DACH1: variants seen among roughly 807,000 people sequenced by gnomAD.
DACH1 encodes the protein dachshund homolog 1.
A neutral mutation model predicts 54.2 loss-of-function variants in DACH1; 12 were observed. The ratio of observed to expected loss-of-function variants is 0.22; its 90% CI spans 0.14 to 0.36. DACH1 has a LOEUF of 0.36. Among genes scored for constraint, DACH1 ranks in the 10% least tolerant of loss-of-function variants. DACH1 has a pLI of 1.00. For synonymous variants in DACH1, 386 were observed against 366.2 expected (o/e 1.05, Z -0.62); for missense variants, 805 against 929.8 (o/e 0.87, Z 1.75).
chr13:71,446,431 A>C (rs915154087), intron 10 of DACH1, among the ~76,000 whole-genome samples: 4 of 152,224 alleles, frequency 2.6e-5, no homozygotes, highest in Non-Finnish European at 5.9e-5. Context: ...TTTTCTGAGC[A>C]CCTGTGATGT....
intron 3 of DACH1, among the ~76,000 whole-genome samples, chr13:71,597,315 C>A (rs1444239932): frequency 3.3e-5 from 5 of 152,108 alleles, no homozygotes; most frequent in Admixed American, 3.3e-4. Context: ...TTGGCCATTG[C>A]ACAATGTACA....
At chr13:71,644,892 A>G (rs1181292887) in intron 2 of DACH1, among the ~76,000 whole-genome samples, 1 of 152,218 alleles carries the variant, frequency 6.6e-6, no homozygotes, top group Non-Finnish European at 1.5e-5. Context: ...GCAGGTTTAT[A>G]GCAGCAGCTC....
rs141991124 is a variant in DACH1 at position 71,794,303 on chromosome 13, A to G, written c.848+71619T>C. 1.8e-4 allele frequency among the ~76,000 whole-genome samples: 28 copies of G among 152,350 alleles called. No individual in the cohort carries two copies. The East Asian group carries it at 2.7e-3, about 15-fold the overall frequency. On this transcript the variant is annotated intron_variant, in intron 1 of 10. Transcript: ENST00000613252. ...TGTATAGTTATTCACAATTCAACAC[A>G]AAAAGGGCCTTGCCAGGGCAGGACT... is the stretch of plus-strand genomic sequence containing the variant.
chr13:71,730,582 CAT>C (rs1491510294), intron 1 of DACH1, among the ~76,000 whole-genome samples: 2 of 152,068 alleles, frequency 1.3e-5, no homozygotes, highest in Admixed American at 6.5e-5. Context: ...TGAGCATGTA[CAT>C]ATGAGTGTTT....
intron 1 of DACH1, among the ~76,000 whole-genome samples, chr13:71,752,644 A>T (rs192459498): frequency 2.3e-3 from 353 of 152,246 alleles, no homozygotes; most frequent in Admixed American, 4.8e-3. Flanking sequence ...CCCCCAAACA[A>T]AATCTGTCAT....
At chr13:71,802,884 A>T (rs558772942) in intron 1 of DACH1, among the ~76,000 whole-genome samples, 1 of 152,144 alleles carries the variant, frequency 6.6e-6, no homozygotes, top group African/African-American at 2.4e-5. Context: ...AAAAATTTAG[A>T]AACTGTTCAG....
At chr13:71,771,068 T>A (rs1300638527) in intron 1 of DACH1, among the ~76,000 whole-genome samples, 1 of 151,526 alleles carries the variant, frequency 6.6e-6, no homozygotes, top group African/African-American at 2.4e-5. Context: ...TCATTAGGGC[T>A]ACATGGCCTT....
chr13:71,640,988 T>A (rs181665686), intron 2 of DACH1, among the ~76,000 whole-genome samples: 1 of 152,066 alleles, frequency 6.6e-6, no homozygotes, highest in Admixed American at 6.6e-5. Context: ...TCAGTTGTTT[T>A]TTTCTTTTTC....
At chr13:71,676,762 C>G (rs752110359) in intron 2 of DACH1, among the ~76,000 whole-genome samples, 1 of 151,914 alleles carries the variant, frequency 6.6e-6, no homozygotes, top group South Asian at 2.1e-4. Flanking sequence ...AATATTGCCC[C>G]GGTCCAGTAT....
Position 71,578,473 on chromosome 13 carries a change from C to G in DACH1, c.1127-5461G>C, listed in dbSNP as rs141635128. Among the ~76,000 whole-genome samples, 319 of 152,238 alleles carry G rather than the reference C, an allele frequency of 2.1e-3. 2 individuals carry two copies. The highest frequency in any genetic ancestry group is 6.8e-3 in the Middle Eastern group (2 of 294). ...TATCTTTTAGTGGATTAAGTTCACTCTATTAAAAAAATGATATAAAACGTC... is the reference window on the plus strand; with the variant it reads ...TATCTTTTAGTGGATTAAGTTCACTGTATTAAAAAAATGATATAAAACGTC... On this transcript the variant is annotated intron_variant, in intron 3 of 10. Coordinates refer to ENST00000613252, the MANE Select transcript of DACH1 (RefSeq NM_080759.6).
chr13:71,642,066 T>C (rs1877946278), intron 2 of DACH1, among the ~76,000 whole-genome samples: 1 of 152,204 alleles, frequency 6.6e-6, no homozygotes, highest in African/African-American at 2.4e-5. Flanking sequence ...ACAGGAACTT[T>C]TACTTTGTTT....
In DACH1 at chr13:71,439,954, T is replaced by C. The variant is rs564952808; in HGVS notation, c.*701A>G. ...CATGTTACACTTATATATTTTTTTT[T>C]ATTTTTAAGAAAAAAAAACCTTCAG... On this transcript the variant is annotated 3_prime_UTR_variant, in exon 11 of 11. Transcript: ENST00000613252. The C allele has an allele frequency of 6.6e-6, 1 of 152,240 alleles. No homozygotes were observed. The highest frequency in any genetic ancestry group is 1.5e-5 in the Non-Finnish European group (1 of 67,888). 9.4% of individuals were successfully genotyped at this position (152,240 alleles called of 1,614,324 possible). A position where few individuals can be genotyped will look rare whatever the true frequency, so the allele number is the denominator to read the frequency against.
chr13:71,567,747 G>A (rs950243465), intron 4 of DACH1, among the ~76,000 whole-genome samples: 6 of 151,914 alleles, frequency 3.9e-5, no homozygotes, highest in South Asian at 2.1e-4. Flanking sequence ...TGATAAAGTC[G>A]AAATGCAAAT....
intron 1 of DACH1, among the ~76,000 whole-genome samples, chr13:71,818,503 G>T (rs541946949): frequency 1.1e-4 from 17 of 152,258 alleles, no homozygotes; most frequent in African/African-American, 4.1e-4. Context: ...GATTTACTTT[G>T]GTTGTTGTGA....
intron 6 of DACH1, among the ~76,000 whole-genome samples, chr13:71,497,915 C>T (rs2138224901): frequency 6.6e-6 from 1 of 151,940 alleles, no homozygotes; most frequent in South Asian, 2.1e-4. Context: ...TACACAGACA[C>T]ACACACACAT....
At chr13:71,573,375 TAAA>T in intron 3 of DACH1, 2 of 710,134 alleles carry the variant, frequency 2.8e-6, no homozygotes, top group Non-Finnish European at 5.2e-6. Context: ...AAATACAATT[TAAA>T]AAAAACTATG....
intron 2 of DACH1, among the ~76,000 whole-genome samples, chr13:71,664,941 T>C (rs186100507): frequency 4.6e-5 from 7 of 152,132 alleles, no homozygotes; most frequent in African/African-American, 9.6e-5. Flanking sequence ...AATTGTGACA[T>C]TGCTTTGACC....
At chr13:71,611,411 C>T (rs780991738) in intron 3 of DACH1, among the ~76,000 whole-genome samples, 5 of 152,136 alleles carry the variant, frequency 3.3e-5, no homozygotes, top group Admixed American at 1.3e-4. Flanking sequence ...ATGCAAAACA[C>T]CTGTTTGAAG....
chr13:71,552,831 AT>A, intron 6 of DACH1, among the ~76,000 whole-genome samples: 1 of 58,124 alleles, frequency 1.7e-5, no homozygotes, highest in Non-Finnish European at 3.1e-5. Context: ...ATATATATAT[AT>A]ATATATATAT....
Sources: gnomAD v4.1 joint callset for allele counts (sites outside exome capture counted in the v4.1 genomes callset) on GRCh38, gnomAD v4.1.1 for gene constraint, MANE v1.5 for transcripts, NCBI Gene and HGNC (gene_info 2026-07-23, HGNC 2026-07-21) for gene names.